The following GPC5 variants were observed in gnomAD, a reference collection of about 807,000 sequenced individuals.
GPC5 encodes glypican 5.
A neutral mutation model predicts 53.9 loss-of-function variants in GPC5; 47 were observed. The ratio of observed to expected loss-of-function variants is 0.87; its 90% confidence interval spans 0.69 to 1.11. The LOEUF (loss-of-function observed/expected upper bound fraction) is 1.11. Among genes scored for constraint, GPC5 ranks in the 50% most tolerant of loss-of-function variants. The pLI, the probability that GPC5 is intolerant of heterozygous loss-of-function variation, is 0.00. For missense variants in GPC5, 748 were observed against 713.1 expected (o/e 1.05, Z -0.56); for synonymous variants, 286 against 263.3 (o/e 1.09, Z -0.84).
At chr13:92,235,517 GT>G (rs1159919042) in intron 7 of GPC5, among the ~76,000 whole-genome samples, 1 of 151,912 alleles carries the variant, frequency 6.6e-6, no homozygotes, top group Non-Finnish European at 1.5e-5. Flanking sequence ...TCTTTCTACA[GT>G]TTTTAGCTAA....
rs376036160 is a variant in GPC5, at chr13:91,814,079, C to G, written c.1280+57659C>G. On this transcript the variant is annotated intron_variant, in intron 5 of 7. Transcript: ENST00000377067. The stretch of plus-strand genomic sequence containing the variant: ...TCCCAAATAGCTGGGACTACAGGCA[C>G]GTGCCACCACGCCTGGCTAATTTTT... 3.9e-3 allele frequency among the ~76,000 whole-genome samples: 589 copies of G among 151,668 alleles called. 7 individuals are homozygous for G. Among genetic ancestry groups the G allele is most frequent in the African/African-American group, 0.014 (561 of 41,370 alleles).
intron 7 of GPC5, among the ~76,000 whole-genome samples, chr13:92,796,483 G>A (rs1327662475): frequency 1.3e-5 from 2 of 151,946 alleles, no homozygotes; most frequent in African/African-American, 4.8e-5. Flanking sequence ...TTGTGCACAA[G>A]TATCCTAAAA....
chr13:91,658,485 C>G (rs1259969172), intron 2 of GPC5, among the ~76,000 whole-genome samples: 1 of 152,086 alleles, frequency 6.6e-6, no homozygotes, highest in Non-Finnish European at 1.5e-5. Context: ...ATAATTGATT[C>G]CAAAGTTAAA....
chr13:91,733,280 A>T (rs1431357844), intron 4 of GPC5, among the ~76,000 whole-genome samples: 1 of 151,978 alleles, frequency 6.6e-6, no homozygotes, highest in African/African-American at 2.4e-5. Flanking sequence ...GGATTACAGC[A>T]TGCACCACCA....
chr13:92,844,989 C>A (rs1878564537), intron 7 of GPC5, among the ~76,000 whole-genome samples: 1 of 152,092 alleles, frequency 6.6e-6, no homozygotes, highest in Non-Finnish European at 1.5e-5. Context: ...TTGGCTACAG[C>A]TGGAGACATT....
intron 2 of GPC5, among the ~76,000 whole-genome samples, chr13:91,639,912 A>T (rs886340779): frequency 3.3e-5 from 5 of 152,198 alleles, no homozygotes; most frequent in Non-Finnish European, 7.3e-5. Flanking sequence ...ATAAAGTAAA[A>T]TACAAGGCAA....
At chr13:91,979,507 G>A (rs1479627120) in intron 6 of GPC5, among the ~76,000 whole-genome samples, 2 of 152,014 alleles carry the variant, frequency 1.3e-5, no homozygotes, top group South Asian at 2.1e-4. Context: ...GGGCTATATC[G>A]ACCTTTGATT....
intron 7 of GPC5, among the ~76,000 whole-genome samples, chr13:92,724,424 A>G (rs1252134070): frequency 1.3e-5 from 2 of 151,640 alleles, no homozygotes; most frequent in African/African-American, 2.4e-5. Context: ...ATTTTGAGAA[A>G]CCTTCATACT....
intron 7 of GPC5, among the ~76,000 whole-genome samples, chr13:92,650,452 A>G (rs2062219925): frequency 6.6e-6 from 1 of 152,098 alleles, no homozygotes; most frequent in South Asian, 2.1e-4. Context: ...AATATTTTTG[A>G]CATGTTACCA....
chr13:91,601,227 A>G (rs2033170868), intron 2 of GPC5, among the ~76,000 whole-genome samples: 1 of 152,228 alleles, frequency 6.6e-6, no homozygotes, highest in Admixed American at 6.5e-5. Flanking sequence ...TGTGTTTGGT[A>G]CAATAGGGCA....
intron 7 of GPC5, among the ~76,000 whole-genome samples, chr13:92,767,194 G>T (rs567639052): frequency 1.2e-4 from 18 of 151,904 alleles, no homozygotes; most frequent in Non-Finnish European, 2.7e-4. Context: ...CTTCCAGGAT[G>T]GGTGCGGTGG....
intron 2 of GPC5, among the ~76,000 whole-genome samples, chr13:91,512,591 C>G (rs528275909): frequency 6.6e-6 from 1 of 152,364 alleles, no homozygotes; most frequent in African/African-American, 2.4e-5. Flanking sequence ...AACCTCCTGC[C>G]CTTCCCTGGC....
intron 7 of GPC5, among the ~76,000 whole-genome samples, chr13:92,271,192 T>C (rs960060422): frequency 6.6e-5 from 10 of 152,342 alleles, no homozygotes; most frequent in Admixed American, 5.2e-4. Context: ...TAACTTTCTA[T>C]GTAGAGCAAT....
chr13:91,727,351 G>T (rs929473657), intron 3 of GPC5, among the ~76,000 whole-genome samples: 1 of 152,038 alleles, frequency 6.6e-6, no homozygotes, highest in African/African-American at 2.4e-5. Flanking sequence ...ACTGGGCAAG[G>T]ATCCCACCTC....
intron 2 of GPC5, among the ~76,000 whole-genome samples, chr13:91,468,061 T>C (rs1305996103): frequency 2.6e-5 from 4 of 152,066 alleles, no homozygotes; most frequent in African/African-American, 7.2e-5. Flanking sequence ...CTATCTGAGA[T>C]GTTTGGCTTT....
At chr13:92,741,210 G>A (rs940504195) in intron 7 of GPC5, among the ~76,000 whole-genome samples, 4 of 151,060 alleles carry the variant, frequency 2.6e-5, no homozygotes, top group African/African-American at 9.7e-5. Context: ...ATAGCAAGCA[G>A]AACGGGCATT....
intron 7 of GPC5, among the ~76,000 whole-genome samples, chr13:92,205,436 A>G (rs936207621): frequency 3.9e-5 from 6 of 152,102 alleles, no homozygotes; most frequent in Non-Finnish European, 7.4e-5. Flanking sequence ...CATTAGCATA[A>G]ATTATCAGGT....
At chr13:92,279,560 C>T (rs978213650) in intron 7 of GPC5, among the ~76,000 whole-genome samples, 7 of 151,866 alleles carry the variant, frequency 4.6e-5, no homozygotes, top group South Asian at 4.2e-4. Context: ...TTGTTCCTGA[C>T]CCTAAAAGCA....
chr13:92,589,566 CAGA>C (rs1346586406), intron 7 of GPC5, among the ~76,000 whole-genome samples: 1 of 152,076 alleles, frequency 6.6e-6, no homozygotes, highest in Non-Finnish European at 1.5e-5. Flanking sequence ...TGTTAGTGAG[CAGA>C]AGAATAATTC....
Sources: allele counts gnomAD v4.1 joint callset (sites outside exome capture counted in the v4.1 genomes callset), GRCh38; gene constraint gnomAD v4.1.1; transcripts MANE v1.5; gene names NCBI Gene and HGNC (gene_info 2026-07-23, HGNC 2026-07-21).